RNF4: variants seen among roughly 807,000 people sequenced by gnomAD.
RNF4 encodes ring finger protein 4.
In RNF4, 7 loss-of-function variants were observed where a neutral mutation model predicts 24.3. That is an observed-to-expected ratio of 0.29 (90% CI 0.16 to 0.54). The LOEUF (loss-of-function observed/expected upper bound fraction) is 0.54. Among genes scored for constraint, RNF4 ranks in the 20% least tolerant of loss-of-function variants. The pLI, the probability that RNF4 is intolerant of heterozygous loss-of-function variation, is 0.95. For missense variants in RNF4, 209 were observed against 248.5 expected, an observed-to-expected ratio of 0.84 and a Z score of 1.07; for synonymous variants, 83 against 84.3, an observed-to-expected ratio of 0.98 and a Z score of 0.09.
chr4:2,515,533 G>A lies in RNF4; in HGVS notation c.*1714G>A, dbSNP rs988326747. The A allele has an allele frequency of 1.3e-5, 2 of 152,194 alleles. No homozygotes were observed. The highest frequency in any genetic ancestry group is 4.8e-5 in the African/African-American group (2 of 41,406). 9.4% of individuals were successfully genotyped at this position (152,194 alleles called of 1,614,324 possible). On this transcript the variant is annotated 3_prime_UTR_variant, in exon 8 of 8. Coordinates refer to ENST00000314289, the MANE Select transcript of RNF4 (RefSeq NM_002938.5). Reference sequence around the variant, plus strand: ...CCAGACTTGGAGCAAGGCAACCTTGGAGTCAGTCCACTCATAAAATATGGT... The same window carrying A: ...CCAGACTTGGAGCAAGGCAACCTTGAAGTCAGTCCACTCATAAAATATGGT...
Position 2,512,107 on chromosome 4 carries a change from T to C in RNF4, c.214+142T>C. 1 of 743,066 alleles carries C rather than the reference T, an allele frequency of 1.3e-6. No individual in the cohort carries two copies. Among genetic ancestry groups the C allele is most frequent in the Non-Finnish European group, 2.3e-6 (1 of 443,876 alleles). The allele number at this position is 743,066 out of a possible 1,614,324, so 46.0% of individuals were successfully genotyped here. On this transcript the variant is annotated intron_variant, in intron 5 of 7. Transcript: ENST00000314289. This position sits in a 1 kb window ranked among gnomAD's most constrained non-coding sequence, Gnocchi z 4.1. ...GAAGATGCCTTCGCAGATGCTGTGG[T>C]CAGACCCACACAGCCAGTCCCCCTT...
intron 1 of RNF4, among the ~76,000 whole-genome samples, chr4:2,479,587 G>C (rs1039671939): frequency 1.3e-5 from 2 of 152,140 alleles, no homozygotes; most frequent in African/African-American, 4.8e-5. Flanking sequence ...CGCCATCCAC[G>C]TAAGACGGGA....
intron 4 of RNF4, among the ~76,000 whole-genome samples, chr4:2,509,683 G>A (rs560005353): frequency 1.3e-5 from 2 of 152,238 alleles, no homozygotes; most frequent in East Asian, 1.9e-4. Flanking sequence ...CAGCCCCTGG[G>A]CTCAGTGCTC....
intron 1 of RNF4, among the ~76,000 whole-genome samples, chr4:2,471,361 G>A (rs1734903848): frequency 6.6e-6 from 1 of 152,170 alleles, no homozygotes. Flanking sequence ...GAACTTAATT[G>A]GTAAAAGTTG....
intron 2 of RNF4, among the ~76,000 whole-genome samples, chr4:2,493,978 G>A (rs1217042944): frequency 6.6e-6 from 1 of 151,812 alleles, no homozygotes; most frequent in Non-Finnish European, 1.5e-5. Flanking sequence ...GAGTAGCTGG[G>A]ACTACAGGTG....
chr4:2,469,341 C>G (rs1245488489), intron 1 of RNF4, 83 bp downstream of exon 1: 1 of 152,172 alleles, frequency 6.6e-6, no homozygotes, highest in Admixed American at 6.5e-5. Flanking sequence ...GGGGGAGCCG[C>G]GCTGCGCGGC....
intron 4 of RNF4, among the ~76,000 whole-genome samples, chr4:2,502,100 C>T (rs1464030283): frequency 6.6e-6 from 1 of 152,226 alleles, no homozygotes; most frequent in Non-Finnish European, 1.5e-5. Flanking sequence ...TAGCTGGCAG[C>T]TACAGCACAG....
At chr4:2,486,341 C>G (rs1021195717) in intron 1 of RNF4, among the ~76,000 whole-genome samples, 1 of 152,146 alleles carries the variant, frequency 6.6e-6, no homozygotes, top group African/African-American at 2.4e-5. Context: ...TTCCCATGAC[C>G]GCTAAGGTCT....
chr4:2,482,491 T>C (rs1475146947), intron 1 of RNF4, among the ~76,000 whole-genome samples: 1 of 152,188 alleles, frequency 6.6e-6, no homozygotes, highest in African/African-American at 2.4e-5. Context: ...GAGTGGATCC[T>C]TAGGTTTCCT....
At chr4:2,473,179 T>C (rs1099777) in intron 1 of RNF4, among the ~76,000 whole-genome samples, 128,970 of 152,038 alleles carry the variant, frequency 0.85, 54,750 homozygotes, top group South Asian at 0.89. Flanking sequence ...GTCAGGAGTT[T>C]GAGACCAGCC....
At chr4:2,500,284 C>T (rs973467654) in intron 3 of RNF4, among the ~76,000 whole-genome samples, 1 of 152,048 alleles carries the variant, frequency 6.6e-6, no homozygotes, top group African/African-American at 2.4e-5. Context: ...GCAGAGGTTT[C>T]AGGCTAGTCC....
At chr4:2,505,197 A>G (rs1736041907) in intron 4 of RNF4, 1 of 152,138 alleles carries the variant, frequency 6.6e-6, no homozygotes, top group Non-Finnish European at 1.5e-5. Flanking sequence ...TGTTTTTAGC[A>G]TTTTAACTTT....
chr4:2,496,978 G>A, intron 2 of RNF4, 29 bp from the exon 3 acceptor site: 1 of 1,520,858 alleles, frequency 6.6e-7, no homozygotes, highest in Non-Finnish European at 9.0e-7. Flanking sequence ...TGGTGTTCAT[G>A]TGACTCTTCT....
intron 1 of RNF4, among the ~76,000 whole-genome samples, chr4:2,476,922 C>T (rs991883011): frequency 6.6e-6 from 1 of 151,574 alleles, no homozygotes; most frequent in Non-Finnish European, 1.5e-5. Context: ...GCTGGGATTA[C>T]AGGTGGGCAG....
At chr4:2,513,210 C>CACCGAGGGGGAAGAT in intron 7 of RNF4, 79 bp downstream of exon 7, 2 of 1,384,442 alleles carry the variant, frequency 1.4e-6, no homozygotes, top group Non-Finnish European at 2.1e-6. Flanking sequence ...AGGATCTTCC[C>CACCGAGGGGGAAGAT]CCTCGGTGGG....
chr4:2,484,177 G>A (rs1313122913), intron 1 of RNF4, among the ~76,000 whole-genome samples: 1 of 151,124 alleles, frequency 6.6e-6, no homozygotes, highest in African/African-American at 2.4e-5. Flanking sequence ...TGCCTCCCAG[G>A]TGGGGTTTGA....
At chr4:2,504,958 T>C (rs1736033171) in intron 4 of RNF4, 1 of 152,120 alleles carries the variant, frequency 6.6e-6, no homozygotes, top group African/African-American at 2.4e-5. Flanking sequence ...GTTCTTGAAC[T>C]CCTGACCTCA....
At position 2,488,301 on chromosome 4, in the gene RNF4, T is replaced by G. The variant is rs1293716140; in HGVS notation, c.-157-2036T>G. On this transcript the variant is annotated intron_variant, in intron 1 of 7. Transcript: ENST00000314289. ...AACCTGGTGGAAACCCCATCTCTAC[T>G]AAAAGTAGAAAAATTAGCCTGGTGT... Among the ~76,000 whole-genome samples, 5 of 152,232 alleles carry G rather than the reference T, an allele frequency of 3.3e-5. No homozygotes were observed. In the East Asian group the frequency reaches 9.7e-4, roughly 29 times the overall value.
At chr4:2,487,413 G>A (rs940924329) in intron 1 of RNF4, among the ~76,000 whole-genome samples, 5 of 152,118 alleles carry the variant, frequency 3.3e-5, no homozygotes, top group African/African-American at 4.8e-5. Context: ...AGCCTCCTAC[G>A]TAGCTGGGAT....
Sources: allele counts gnomAD v4.1 joint callset (sites outside exome capture counted in the v4.1 genomes callset), GRCh38; gene constraint gnomAD v4.1.1; non-coding constraint Gnocchi (gnomAD v3.1); transcripts MANE v1.5; gene names NCBI Gene and HGNC (gene_info 2026-07-23, HGNC 2026-07-21).